The following NPAS3 variants were observed in gnomAD, a reference collection of about 807,000 sequenced individuals.
NPAS3 encodes neuronal PAS domain-containing protein 3.
In NPAS3, 14 loss-of-function variants were observed where a neutral mutation model predicts 73.1. The ratio of observed to expected loss-of-function variants is 0.19; its 90% CI spans 0.13 to 0.30. The LOEUF is 0.30. Ranked by LOEUF, NPAS3 falls within the 10% of genes least tolerant of loss-of-function variation. The probability of loss-of-function intolerance (pLI) is 1.00; values close to 1 mark genes in which losing one functional copy is unlikely to be tolerated. For missense variants in NPAS3, 1,096 were observed against 1,250.0 expected (o/e 0.88, Z 1.86); for synonymous variants, 620 against 541.5 (o/e 1.14, Z -2.01).
chr14:33,200,700 C>A (rs1223133111), intron 2 of NPAS3, among the ~76,000 whole-genome samples: 1 of 152,106 alleles, frequency 6.6e-6, no homozygotes, highest in Admixed American at 6.5e-5. Flanking sequence ...GGATTTTTGG[C>A]TTCTTTCTGA....
intron 4 of NPAS3, among the ~76,000 whole-genome samples, chr14:33,431,579 T>C (rs1453987085): frequency 6.6e-6 from 1 of 152,242 alleles, no homozygotes; most frequent in African/African-American, 2.4e-5. Context: ...TGAAGGATTT[T>C]AGATTGCTAT....
At chr14:33,467,564 G>A (rs1034037105) in intron 4 of NPAS3, among the ~76,000 whole-genome samples, 3 of 152,128 alleles carry the variant, frequency 2.0e-5, no homozygotes, top group African/African-American at 7.2e-5. Flanking sequence ...AAACATGAAC[G>A]CATCTGTTTC....
intron 8 of NPAS3, among the ~76,000 whole-genome samples, chr14:33,775,344 G>T (rs1441064273): frequency 6.6e-6 from 1 of 152,116 alleles, no homozygotes; most frequent in African/African-American, 2.4e-5. Context: ...GTGCCACAGG[G>T]AGAAATACTG....
intron 6 of NPAS3, among the ~76,000 whole-genome samples, chr14:33,678,746 C>T (rs1297205147): frequency 1.2e-5 from 1 of 82,984 alleles, no homozygotes; most frequent in Admixed American, 1.5e-4. Flanking sequence ...GACAGTGAGA[C>T]TTTGGGAGAA....
chr14:33,632,567 G>C (rs965593500), intron 5 of NPAS3, among the ~76,000 whole-genome samples: 1 of 152,120 alleles, frequency 6.6e-6, no homozygotes, highest in Non-Finnish European at 1.5e-5. Flanking sequence ...GCTGGAGCTG[G>C]GTTCCACTTG....
intron 2 of NPAS3, among the ~76,000 whole-genome samples, chr14:33,124,029 T>G (rs1295823222): frequency 6.6e-6 from 1 of 151,858 alleles, no homozygotes; most frequent in Non-Finnish European, 1.5e-5. Flanking sequence ...CCTGGCTTAT[T>G]TTTTTGTAGA....
At chr14:33,649,317 A>G (rs1250412148) in intron 5 of NPAS3, among the ~76,000 whole-genome samples, 3 of 152,174 alleles carry the variant, frequency 2.0e-5, no homozygotes, top group African/African-American at 7.2e-5. Context: ...AGACGGTTTC[A>G]CCCTGCCCGT....
intron 4 of NPAS3, among the ~76,000 whole-genome samples, chr14:33,389,681 T>C (rs771814220): frequency 2.6e-5 from 4 of 152,220 alleles, no homozygotes; most frequent in Non-Finnish European, 5.9e-5. Context: ...AAATTCATCT[T>C]TATTATTTTT....
At chr14:33,272,383 A>G (rs1347055729) in intron 3 of NPAS3, among the ~76,000 whole-genome samples, 2 of 152,186 alleles carry the variant, frequency 1.3e-5, no homozygotes, top group African/African-American at 4.8e-5. Context: ...AGTATCTCTT[A>G]GAAGGGCCAG....
chr14:33,425,577 T>C (rs975236849), intron 4 of NPAS3, among the ~76,000 whole-genome samples: 1 of 150,664 alleles, frequency 6.6e-6, no homozygotes, highest in Non-Finnish European at 1.5e-5. Context: ...TTTGTGTTCA[T>C]GTGCTTGACA....
chr14:33,620,739 C>CTATT (rs1431173434), intron 5 of NPAS3, among the ~76,000 whole-genome samples: 17 of 152,038 alleles, frequency 1.1e-4, no homozygotes, highest in Non-Finnish European at 1.9e-4. Context: ...GCATATAAAT[C>CTATT]TATTTATTTA....
intron 7 of NPAS3, among the ~76,000 whole-genome samples, chr14:33,750,728 T>C (rs1163892552): frequency 6.6e-6 from 1 of 152,224 alleles, no homozygotes; most frequent in East Asian, 1.9e-4. Context: ...TATTATACAC[T>C]GTACTGGGTA....
chr14:33,687,709 C>T (rs1194915767), intron 6 of NPAS3, among the ~76,000 whole-genome samples: 2 of 152,208 alleles, frequency 1.3e-5, no homozygotes, highest in East Asian at 3.8e-4. Context: ...AACATAGTTG[C>T]ATGTCTATAG....
At chr14:33,000,218 T>C (rs747343378) in intron 1 of NPAS3, among the ~76,000 whole-genome samples, 22 of 152,214 alleles carry the variant, frequency 1.4e-4, no homozygotes, top group Non-Finnish European at 2.9e-4. Context: ...CACATAAGTG[T>C]AAACTAATTT....
intron 5 of NPAS3, among the ~76,000 whole-genome samples, chr14:33,607,050 T>C (rs573989194): frequency 7.0e-4 from 107 of 152,312 alleles, no homozygotes; most frequent in African/African-American, 2.5e-3. Context: ...TTAGAATGGC[T>C]CAGTGTTGCC....
intron 6 of NPAS3, among the ~76,000 whole-genome samples, chr14:33,696,693 A>G (rs1296982018): frequency 6.6e-6 from 1 of 152,186 alleles, no homozygotes; most frequent in African/African-American, 2.4e-5. Context: ...TCTCTATGTA[A>G]TTTAGTTTGC....
chr14:33,216,977 A>AT (rs2047246936), intron 3 of NPAS3, among the ~76,000 whole-genome samples: 1 of 152,182 alleles, frequency 6.6e-6, no homozygotes, highest in South Asian at 2.1e-4. Flanking sequence ...GTATTATGCT[A>AT]TAAAAAACTA....
intron 2 of NPAS3, among the ~76,000 whole-genome samples, chr14:33,167,873 A>G (rs556740992): frequency 6.6e-6 from 1 of 152,208 alleles, no homozygotes; most frequent in Non-Finnish European, 1.5e-5. Context: ...ATACTTTACA[A>G]TAACGAAAAT....
chr14:33,446,842 A>G (rs538230124), intron 4 of NPAS3, among the ~76,000 whole-genome samples: 27 of 152,382 alleles, frequency 1.8e-4, no homozygotes, highest in African/African-American at 6.0e-4. Context: ...AAATGAGATA[A>G]TATTTTCTAT....
Sources: allele counts gnomAD v4.1 joint callset (sites outside exome capture counted in the v4.1 genomes callset), GRCh38; gene constraint gnomAD v4.1.1; transcripts MANE v1.5; gene names NCBI Gene and HGNC (gene_info 2026-07-23, HGNC 2026-07-21).